Variants in APPBP2 observed in about 807,000 individuals in gnomAD.
The protein encoded by APPBP2 is amyloid beta precursor protein binding protein 2.
APPBP2 carries 15 observed loss-of-function variants against 76.0 expected under a neutral mutation model. The ratio of observed to expected loss-of-function variants is 0.20; its 90% CI spans 0.13 to 0.30. The LOEUF (loss-of-function observed/expected upper bound fraction) is 0.30, where lower values mean the gene tolerates loss of function less well. Ranked by LOEUF, APPBP2 falls within the 10% of genes least tolerant of loss-of-function variation. The pLI, the probability that APPBP2 is intolerant of heterozygous loss-of-function variation, is 1.00. For missense variants in APPBP2, 401 were observed against 687.2 expected (o/e 0.58, Z 4.66); for synonymous variants, 222 against 242.2 (o/e 0.92, Z 0.77).
At chr17:60,466,047 T>C (rs1331898409) in intron 5 of APPBP2, among the ~76,000 whole-genome samples, 1 of 152,128 alleles carries the variant, frequency 6.6e-6, no homozygotes, top group Non-Finnish European at 1.5e-5. Flanking sequence ...TTGCCCATGC[T>C]GGCCCCAAAC....
At chr17:60,518,644 T>C (rs111432319) in intron 1 of APPBP2, among the ~76,000 whole-genome samples, 12,395 of 151,930 alleles carry the variant, frequency 0.082, 1,671 homozygotes, top group African/African-American at 0.28. Flanking sequence ...GCTGGGACCG[T>C]AGGCATGTGC....
chr17:60,512,936 TA>T lies in APPBP2; in HGVS notation c.139-12450del, dbSNP rs961836060. Among the ~76,000 whole-genome samples the T allele has an allele frequency of 3.1e-4, 42 of 137,264 alleles. 1 individual carries two copies. Among genetic ancestry groups the T allele is most frequent in the Non-Finnish European group, 5.2e-4 (33 of 63,430 alleles). The allele number at this position is 137,264 out of a possible 152,430, so 90.1% of individuals were successfully genotyped here. A position where few individuals can be genotyped will look rare whatever the true frequency, so the allele number is the denominator to read the frequency against. On this transcript the variant is annotated intron_variant, in intron 1 of 12. Transcript: ENST00000083182. ...AGAAATAAGTCTGAAAGTCTTCACT[TA>T]AAAAAAAAATTTTTCTTTTCCTTTT...
intron 2 of APPBP2, among the ~76,000 whole-genome samples, chr17:60,495,766 C>T (rs1281095576): frequency 6.6e-6 from 1 of 151,984 alleles, no homozygotes; most frequent in African/African-American, 2.4e-5. Flanking sequence ...CATAGGGTTA[C>T]CATATTATAC....
intron 10 of APPBP2, among the ~76,000 whole-genome samples, chr17:60,454,925 T>A (rs576341525): frequency 2.1e-4 from 32 of 152,304 alleles, no homozygotes; most frequent in Middle Eastern, 6.8e-3. Context: ...CTAAAAGAAC[T>A]GATTTCCTCC....
intron 1 of APPBP2, chr17:60,513,440 TGTGG>T (rs1238434139): frequency 1.6e-6 from 1 of 643,990 alleles, no homozygotes; most frequent in East Asian, 2.9e-5. Flanking sequence ...ACAGATAACT[TGTGG>T]TTTTGTACTA....
chr17:60,474,265 G>A (rs2090573766), intron 4 of APPBP2, among the ~76,000 whole-genome samples: 1 of 151,624 alleles, frequency 6.6e-6, no homozygotes, highest in Admixed American at 6.6e-5. Context: ...CCACCTCCCA[G>A]GTTCAAGCGA....
At chr17:60,525,737 G>T in intron 1 of APPBP2, 57 bp downstream of exon 1, 5 of 1,608,464 alleles carry the variant, frequency 3.1e-6, no homozygotes, top group Non-Finnish European at 4.2e-6. Context: ...GACGTGGAAG[G>T]GGGTGCGGCC....
At chr17:60,479,762 T>A (rs2090616048) in intron 3 of APPBP2, among the ~76,000 whole-genome samples, 1 of 152,206 alleles carries the variant, frequency 6.6e-6, no homozygotes, top group African/African-American at 2.4e-5. Context: ...TTCCTCAGCA[T>A]ATTATCTTTT....
chr17:60,451,998 A>T lies in APPBP2; in HGVS notation c.1386T>A (p.Leu462=). ...HIKAIQIKEQ[L]LGQEDYEVAL... Reference sequence around the variant, plus strand: ...CTACTTCATAATCTTCTTGACCAAGAAGTTGTTCTTTAATCTGAATTGCTT... The same window carrying T: ...CTACTTCATAATCTTCTTGACCAAGTAGTTGTTCTTTAATCTGAATTGCTT... Residue 462 remains leucine (L), a synonymous_variant, in exon 12 of 13, where the codon CTT becomes CTA. Transcript: ENST00000083182. 1 of 1,613,734 alleles carries T rather than the reference A, an allele frequency of 6.2e-7. No individual in the cohort carries two copies. The highest frequency in any genetic ancestry group is 8.5e-7 in the Non-Finnish European group (1 of 1,179,900).
intron 12 of APPBP2, among the ~76,000 whole-genome samples, chr17:60,451,281 C>T (rs1353355128): frequency 6.6e-6 from 1 of 152,006 alleles, no homozygotes; most frequent in East Asian, 1.9e-4. Flanking sequence ...AGTAACTGCA[C>T]AAATAGTTTA....
intron 3 of APPBP2, among the ~76,000 whole-genome samples, chr17:60,479,695 C>T (rs2090615476): frequency 6.6e-6 from 1 of 152,272 alleles, no homozygotes; most frequent in South Asian, 2.1e-4. Flanking sequence ...AGACTGTGAT[C>T]CTTAATCGAT....
At chr17:60,475,893 T>C (rs2143369241) in intron 4 of APPBP2, among the ~76,000 whole-genome samples, 1 of 152,288 alleles carries the variant, frequency 6.6e-6, no homozygotes, top group South Asian at 2.1e-4. Context: ...TTCTAGAGAA[T>C]TCCTGACCTT....
At chr17:60,476,701 T>G (rs2090593579) in intron 4 of APPBP2, among the ~76,000 whole-genome samples, 1 of 152,194 alleles carries the variant, frequency 6.6e-6, no homozygotes, top group African/African-American at 2.4e-5. Context: ...TAGTTTCACA[T>G]GTGCTTGCTA....
At chr17:60,518,892 G>A (rs1048771214) in intron 1 of APPBP2, among the ~76,000 whole-genome samples, 1 of 152,106 alleles carries the variant, frequency 6.6e-6, no homozygotes, top group African/African-American at 2.4e-5. Context: ...TTCATGCCAA[G>A]ATGGCATTAC....
chr17:60,523,497 CA>C (rs953000950), intron 1 of APPBP2, among the ~76,000 whole-genome samples: 8 of 151,628 alleles, frequency 5.3e-5, no homozygotes, highest in Non-Finnish European at 1.0e-4. Flanking sequence ...CCTGTCTCCA[CA>C]AAAAAAGTTT....
At chr17:60,483,396 C>G (rs1030262577) in intron 3 of APPBP2, among the ~76,000 whole-genome samples, 2 of 151,838 alleles carry the variant, frequency 1.3e-5, no homozygotes, top group South Asian at 4.1e-4. Flanking sequence ...ACTCTGATGA[C>G]AGTTTCTTTT....
rs1018738074 is a variant in APPBP2, at chr17:60,446,587, T to C, written c.*994A>G. ...ACAGCCAATATACTTGTTAACTGCA[T>C]TGATTATTAGGGCAACATTTAAAAT... On this transcript the variant is annotated 3_prime_UTR_variant, in exon 13 of 13. Coordinates refer to ENST00000083182, the MANE Select transcript of APPBP2 (RefSeq NM_006380.5). The C allele has an allele frequency of 6.6e-6, 1 of 152,224 alleles. No individual in the cohort carries two copies. The highest frequency in any genetic ancestry group is 2.4e-5 in the African/African-American group (1 of 41,464). 9.4% of individuals were successfully genotyped at this position (152,224 alleles called of 1,614,324 possible).
chr17:60,449,292 G>A (rs1176037544), intron 12 of APPBP2, among the ~76,000 whole-genome samples: 1 of 148,410 alleles, frequency 6.7e-6, no homozygotes, highest in East Asian at 1.9e-4. Flanking sequence ...TATAGCAGAG[G>A]GAAAAAAAGA....
At chr17:60,471,442 T>G (rs535034647) in intron 4 of APPBP2, among the ~76,000 whole-genome samples, 1 of 152,284 alleles carries the variant, frequency 6.6e-6, no homozygotes, top group South Asian at 2.1e-4. Flanking sequence ...ATGATGTTAT[T>G]GTGAGTTTTT....
Sources: allele counts gnomAD v4.1 joint callset (sites outside exome capture counted in the v4.1 genomes callset), GRCh38; gene constraint gnomAD v4.1.1; transcripts MANE v1.5; gene names NCBI Gene and HGNC (gene_info 2026-07-23, HGNC 2026-07-21).